The following GPATCH2 variants were observed in gnomAD, a reference collection of about 807,000 sequenced individuals.
GPATCH2 encodes the protein G patch domain-containing protein 2.
A neutral mutation model predicts 58.0 loss-of-function variants in GPATCH2; 51 were observed. The ratio of observed to expected loss-of-function variants is 0.88; its 90% confidence interval spans 0.70 to 1.11. The LOEUF (loss-of-function observed/expected upper bound fraction) is 1.11. Among genes scored for constraint, GPATCH2 ranks in the 50% most tolerant of loss-of-function variants. The probability of loss-of-function intolerance (pLI) is 0.00; values close to 1 mark genes in which losing one functional copy is unlikely to be tolerated. For missense variants in GPATCH2, 625 were observed against 652.2 expected, an observed-to-expected ratio of 0.96 and a Z score of 0.45; for synonymous variants, 222 against 218.5, an observed-to-expected ratio of 1.02 and a Z score of -0.14.
chr1:217,459,762 C>T (rs1218700003), intron 8 of GPATCH2, among the ~76,000 whole-genome samples: 2 of 152,154 alleles, frequency 1.3e-5, no homozygotes, highest in African/African-American at 4.8e-5. Flanking sequence ...ATATTCCTAA[C>T]TTTTTTGAGG....
rs183855678 is a variant in GPATCH2 at position 217,442,795 on chromosome 1, T to C, written c.1366+6454A>G. ...AGTTTTCTTCTTTTATCCATTATAA[T>C]CCCTAAATTTAACAGATGTAGTTTC... On this transcript the variant is annotated intron_variant, in intron 9 of 9. Transcript: ENST00000366935. Among the ~76,000 whole-genome samples the C allele has an allele frequency of 5.8e-3, 887 of 152,294 alleles. 9 individuals carry two copies. The highest frequency in any genetic ancestry group is 0.017 in the Middle Eastern group (5 of 292).
intron 5 of GPATCH2, chr1:217,610,090 C>T: frequency 6.5e-7 from 1 of 1,528,766 alleles, no homozygotes; most frequent in Non-Finnish European, 8.8e-7. Flanking sequence ...GGACAGGAGC[C>T]AGGTTCCCTC....
At chr1:217,596,511 T>C (rs1214255069) in intron 5 of GPATCH2, among the ~76,000 whole-genome samples, 1 of 152,102 alleles carries the variant, frequency 6.6e-6, no homozygotes, top group Non-Finnish European at 1.5e-5. Flanking sequence ...TTAAATGATT[T>C]GATATACATA....
At chr1:217,618,071 C>T (rs969801403) in intron 2 of GPATCH2, among the ~76,000 whole-genome samples, 2 of 151,978 alleles carry the variant, frequency 1.3e-5, no homozygotes, top group Admixed American at 6.6e-5. Flanking sequence ...CTCTCCCTCC[C>T]GGTAATTGAG....
intron 5 of GPATCH2, among the ~76,000 whole-genome samples, chr1:217,601,987 A>G (rs949839509): frequency 6.6e-6 from 1 of 152,192 alleles, no homozygotes; most frequent in Non-Finnish European, 1.5e-5. Flanking sequence ...AGAGTTGATC[A>G]GAATATCAGG....
At chr1:217,537,361 A>C (rs917685312) in intron 5 of GPATCH2, among the ~76,000 whole-genome samples, 1 of 152,186 alleles carries the variant, frequency 6.6e-6, no homozygotes, top group African/African-American at 2.4e-5. Flanking sequence ...GGCACATGGT[A>C]GGTGTTCAAT....
chr1:217,464,463 G>A (rs1660349285), intron 8 of GPATCH2, among the ~76,000 whole-genome samples: 1 of 152,168 alleles, frequency 6.6e-6, no homozygotes, highest in South Asian at 2.1e-4. Flanking sequence ...AACATAGGAG[G>A]TGTACTGAAA....
At chr1:217,481,537 AAT>A (rs1376330344) in intron 8 of GPATCH2, among the ~76,000 whole-genome samples, 4 of 152,154 alleles carry the variant, frequency 2.6e-5, no homozygotes, top group African/African-American at 9.7e-5. Context: ...TATGTATAAA[AAT>A]AGTGTGATAG....
rs149238842 is a variant in GPATCH2 at position 217,568,462 on chromosome 1, G to A, written c.1098+41859C>T. On this transcript the variant is annotated intron_variant, in intron 5 of 9. Coordinates refer to ENST00000366935, the MANE Select transcript of GPATCH2 (RefSeq NM_018040.5). ...ACACACAATAAAAACACACAGACCA[G>A]ATAAGTACTATGGGGGAAAAAAAGC... Among the ~76,000 whole-genome samples, 1,350 of 152,172 alleles carry A rather than the reference G, an allele frequency of 8.9e-3. 6 individuals carry two copies. The highest frequency in any genetic ancestry group is 0.012 in the Admixed American group (178 of 15,274).
At chr1:217,511,893 T>C (rs773607193) in intron 6 of GPATCH2, among the ~76,000 whole-genome samples, 1 of 152,004 alleles carries the variant, frequency 6.6e-6, no homozygotes, top group Non-Finnish European at 1.5e-5. Context: ...AAAAGAAAAT[T>C]CCCATGATGT....
At chr1:217,571,512 T>TAAA (rs11366675) in intron 5 of GPATCH2, among the ~76,000 whole-genome samples, 7 of 142,726 alleles carry the variant, frequency 4.9e-5, no homozygotes, top group African/African-American at 1.6e-4. Flanking sequence ...TGAAAGACAT[T>TAAA]AAAAAAAAAA....
At chr1:217,508,512 C>G (rs1662674830) in intron 6 of GPATCH2, among the ~76,000 whole-genome samples, 1 of 151,966 alleles carries the variant, frequency 6.6e-6, no homozygotes, top group East Asian at 1.9e-4. Context: ...ATTAATAAAT[C>G]ATATTTATCT....
intron 5 of GPATCH2, among the ~76,000 whole-genome samples, chr1:217,567,292 C>T (rs1210804512): frequency 6.6e-6 from 1 of 152,062 alleles, no homozygotes; most frequent in Non-Finnish European, 1.5e-5. Flanking sequence ...GTGATCCGCC[C>T]GCCTGGGCCT....
intron 5 of GPATCH2, among the ~76,000 whole-genome samples, chr1:217,543,041 CA>C (rs1664831709): frequency 6.6e-6 from 1 of 152,160 alleles, no homozygotes; most frequent in Non-Finnish European, 1.5e-5. Context: ...TGCCATGAGC[CA>C]GGCACAGTTC....
At chr1:217,553,276 G>C (rs549963964) in intron 5 of GPATCH2, among the ~76,000 whole-genome samples, 2 of 152,138 alleles carry the variant, frequency 1.3e-5, no homozygotes, top group South Asian at 4.2e-4. Context: ...TTCATTTTAA[G>C]AACCTCATAA....
At chr1:217,486,066 A>T (rs1455413767) in intron 8 of GPATCH2, among the ~76,000 whole-genome samples, 1 of 152,204 alleles carries the variant, frequency 6.6e-6, no homozygotes. Context: ...TTTCTATAAA[A>T]TTGCCTGCTG....
At chr1:217,457,096 G>A (rs1659978066) in intron 8 of GPATCH2, among the ~76,000 whole-genome samples, 1 of 152,282 alleles carries the variant, frequency 6.6e-6, no homozygotes, top group South Asian at 2.1e-4. Flanking sequence ...ATTGATAAAT[G>A]TAAGTGGTTT....
intron 8 of GPATCH2, among the ~76,000 whole-genome samples, chr1:217,454,588 CAA>C (rs34571192): frequency 2.3e-4 from 14 of 59,610 alleles, no homozygotes; most frequent in Admixed American, 2.6e-4. Flanking sequence ...GACTCTGTCT[CAA>C]AAAAAAAAAA....
chr1:217,535,936 T>C (rs1381556156), intron 5 of GPATCH2, among the ~76,000 whole-genome samples: 3 of 152,230 alleles, frequency 2.0e-5, no homozygotes, highest in Admixed American at 2.0e-4. Context: ...TCCCTTTTTC[T>C]CCCTCAAATC....
Sources: allele counts gnomAD v4.1 joint callset (sites outside exome capture counted in the v4.1 genomes callset), GRCh38; gene constraint gnomAD v4.1.1; transcripts MANE v1.5; gene names NCBI Gene and HGNC (gene_info 2026-07-23, HGNC 2026-07-21).